The following EFCAB14 variants were observed in gnomAD, a reference collection of about 807,000 sequenced individuals.
EFCAB14 encodes the protein EF-hand calcium binding domain 14.
A neutral mutation model predicts 56.5 loss-of-function variants in EFCAB14; 43 were observed. That is an observed-to-expected ratio of 0.76 (90% confidence interval 0.60 to 0.98). The LOEUF (loss-of-function observed/expected upper bound fraction) is 0.98, where lower values mean the gene tolerates loss of function less well. Among genes scored for constraint, EFCAB14 ranks in the 50% least tolerant of loss-of-function variants. The probability of loss-of-function intolerance (pLI) is 0.00; values close to 1 mark genes in which losing one functional copy is unlikely to be tolerated. For synonymous variants in EFCAB14, 235 were observed against 212.9 expected, an observed-to-expected ratio of 1.10 and a Z score of -0.90; for missense variants, 538 against 580.3, an observed-to-expected ratio of 0.93 and a Z score of 0.75.
rs1677270618 is a variant in EFCAB14 at position 46,708,944 on chromosome 1, C to CTT, written c.335-894_335-893insAA. On this transcript the variant is annotated intron_variant, in intron 2 of 10. Transcript: ENST00000371933. ...TGGTCCTCCAGAATAAAACCTACAT[C>CTT]CTTTTTTTTTTTTTAAAGCCACAGA... is the stretch of plus-strand genomic sequence containing the variant. Among the ~76,000 whole-genome samples, 3 of 121,272 alleles carry CTT rather than the reference C, an allele frequency of 2.5e-5. No homozygotes were observed. The Admixed American group carries it at 2.6e-4, about 11-fold the overall frequency. 79.6% of individuals were successfully genotyped at this position (121,272 alleles called of 152,430 possible).
chr1:46,684,283 A>G (rs1218130474), intron 9 of EFCAB14: 1 of 531,404 alleles, frequency 1.9e-6, no homozygotes, highest in African/African-American at 1.9e-5. Flanking sequence ...AAACATTACC[A>G]ATTCTTCCCT....
rs772856332 is a variant in EFCAB14, at chr1:46,689,641, T to C, written c.741A>G (p.Ser247=). 2 of 1,613,828 alleles carry C rather than the reference T, an allele frequency of 1.2e-6. No homozygotes were observed. Among genetic ancestry groups the C allele is most frequent in the Admixed American group, 3.3e-5 (2 of 60,000 alleles). ...TGTCAAGTTCTGATGTGGCTGAAGGTGACGGAATGATCTGGTTGCTTCCAG... is the reference window on the plus strand; with the variant it reads ...TGTCAAGTTCTGATGTGGCTGAAGGCGACGGAATGATCTGGTTGCTTCCAG... The part of the protein sequence containing the change: ...ETPGSNQIIP[S]PSATSELDNK... Residue 247 remains serine, a synonymous_variant, in exon 6 of 11, where the codon TCA becomes TCG. Transcript: ENST00000371933.
chr1:46,689,472 C>A, intron 6 of EFCAB14, 115 bp downstream of exon 6: 1 of 919,412 alleles, frequency 1.1e-6, no homozygotes, highest in Non-Finnish European at 1.7e-6. Flanking sequence ...AGCTCCCAGG[C>A]AGGCAAATAA....
intron 7 of EFCAB14, among the ~76,000 whole-genome samples, chr1:46,687,874 AC>A (rs1676912219): frequency 6.6e-6 from 1 of 152,190 alleles, no homozygotes; most frequent in Admixed American, 6.5e-5. Flanking sequence ...TTCCTGACAT[AC>A]GCAAAAGGTT....
chr1:46,719,110 A>G lies in EFCAB14; in HGVS notation c.-1023T>C, dbSNP rs1179927185. On this transcript the variant is annotated 5_prime_UTR_variant, in exon 1 of 11. Transcript: ENST00000371933. The surrounding 1 kb of genome is among the most constrained non-coding windows in gnomAD (Gnocchi z 4.0). Reference sequence around the variant, plus strand: ...CGGGCCATCGCTCCAGCCCCAGATCACTTCCCCTTTGGCAGCGGCCGCCTG... The same window carrying G: ...CGGGCCATCGCTCCAGCCCCAGATCGCTTCCCCTTTGGCAGCGGCCGCCTG... 6.5e-6 allele frequency: 1 copy of G among 153,402 alleles called. No individual in the cohort carries two copies. The highest frequency in any genetic ancestry group is 6.5e-5 in the Admixed American group (1 of 15,294). 9.5% of individuals were successfully genotyped at this position (153,402 alleles called of 1,614,324 possible).
At chr1:46,691,319 G>A (rs955690239) in intron 5 of EFCAB14, among the ~76,000 whole-genome samples, 1 of 152,172 alleles carries the variant, frequency 6.6e-6, no homozygotes, top group Non-Finnish European at 1.5e-5. Context: ...GGGTGGTGCT[G>A]TTCCATGTGT....
intron 10 of EFCAB14, among the ~76,000 whole-genome samples, chr1:46,679,017 C>T (rs555873580): frequency 5.9e-5 from 9 of 152,246 alleles, no homozygotes; most frequent in Admixed American, 1.3e-4. Context: ...CTCTGTCCAG[C>T]GTCTTCCCTT....
chr1:46,700,391 T>G (rs537614166), intron 3 of EFCAB14, among the ~76,000 whole-genome samples: 2 of 152,230 alleles, frequency 1.3e-5, no homozygotes, highest in African/African-American at 4.8e-5. Flanking sequence ...ATTGTAACTC[T>G]GTTCATTTAA....
intron 8 of EFCAB14, among the ~76,000 whole-genome samples, chr1:46,685,535 G>C (rs924212917): frequency 2.0e-5 from 3 of 152,272 alleles, no homozygotes; most frequent in Admixed American, 2.0e-4. Context: ...GTGAAAACTA[G>C]GTACTAAATG....
At chr1:46,716,769 T>C (rs189166596) in intron 1 of EFCAB14, among the ~76,000 whole-genome samples, 22 of 152,334 alleles carry the variant, frequency 1.4e-4, no homozygotes, top group Admixed American at 7.2e-4. Context: ...AAGACCAATG[T>C]TTCTCTGCAA....
intron 10 of EFCAB14, 171 bp downstream of exon 10, chr1:46,683,129 T>A: frequency 1.5e-6 from 1 of 686,528 alleles, no homozygotes; most frequent in Non-Finnish European, 2.3e-6. Flanking sequence ...TAAATACTTA[T>A]GTTCATGGGA....
intron 4 of EFCAB14, among the ~76,000 whole-genome samples, chr1:46,694,555 T>C (rs372744214): frequency 1.2e-4 from 18 of 152,088 alleles, no homozygotes; most frequent in Admixed American, 2.0e-4. Context: ...GTTAGAATGG[T>C]GATCATTAAA....
intron 2 of EFCAB14, among the ~76,000 whole-genome samples, chr1:46,712,212 C>G (rs965239972): frequency 6.6e-5 from 10 of 152,172 alleles, no homozygotes; most frequent in African/African-American, 2.4e-4. Context: ...AGCACAAGAC[C>G]ATCTTTAACT....
intron 8 of EFCAB14, among the ~76,000 whole-genome samples, chr1:46,686,094 T>C (rs1676876652): frequency 6.6e-6 from 1 of 152,240 alleles, no homozygotes. Flanking sequence ...GGTCATAATC[T>C]TCCTGGCTTT....
At position 46,689,626 on chromosome 1, in the gene EFCAB14, T is replaced by C; in HGVS notation, c.756A>G (p.Ser252=). 1 of 1,613,952 alleles carries C rather than the reference T, an allele frequency of 6.2e-7. No individual in the cohort carries two copies. Among genetic ancestry groups the C allele is most frequent in the Non-Finnish European group, 8.5e-7 (1 of 1,179,820 alleles). The change falls in exon 6 of 11, where the codon TCA becomes TCG. Residue 252 remains serine (S), a synonymous_variant. Coordinates refer to ENST00000371933, the MANE Select transcript of EFCAB14 (RefSeq NM_014774.3). ...CACTGTGGGTTTTATTGTCAAGTTC[T>C]GATGTGGCTGAAGGTGACGGAATGA... ...NQIIPSPSAT[S]ELDNKTHSEN... is the part of the protein sequence containing the mutation.
intron 7 of EFCAB14, among the ~76,000 whole-genome samples, chr1:46,687,866 C>A (rs58678760): frequency 0.12 from 18,208 of 152,068 alleles, 2,732 homozygotes; most frequent in East Asian, 0.4. Context: ...TGATCTGTTT[C>A]CTGACATACG....
chr1:46,707,161 AAT>A (rs1677244947), intron 3 of EFCAB14, among the ~76,000 whole-genome samples: 1 of 152,190 alleles, frequency 6.6e-6, no homozygotes, highest in Non-Finnish European at 1.5e-5. Context: ...CAAGAAAAAT[AAT>A]ATCTATTTTT....
chr1:46,696,686 G>T, intron 3 of EFCAB14, 37 bp from the exon 4 acceptor site: 1 of 1,584,340 alleles, frequency 6.3e-7, no homozygotes, highest in South Asian at 1.1e-5. Flanking sequence ...GAAAACAAAT[G>T]AGAATTTGTA....
At chr1:46,697,762 A>G (rs1476346703) in intron 3 of EFCAB14, among the ~76,000 whole-genome samples, 1 of 152,212 alleles carries the variant, frequency 6.6e-6, no homozygotes, top group East Asian at 1.9e-4. Context: ...CTCATGGAGC[A>G]TACATCCTAG....
Sources: allele counts gnomAD v4.1 joint callset (sites outside exome capture counted in the v4.1 genomes callset), GRCh38; gene constraint gnomAD v4.1.1; non-coding constraint Gnocchi (gnomAD v3.1); transcripts MANE v1.5; gene names NCBI Gene and HGNC (gene_info 2026-07-23, HGNC 2026-07-21).